Variants in PTPRT observed in about 807,000 individuals in gnomAD.
The protein encoded by PTPRT is receptor-type tyrosine-protein phosphatase T.
In PTPRT, 56 loss-of-function variants were observed where a neutral mutation model predicts 176.8. The observed-to-expected ratio is 0.32, with a 90% CI of 0.26 to 0.40. The LOEUF (loss-of-function observed/expected upper bound fraction) is 0.40. PTPRT is among the 10% of genes least tolerant of loss of function. The probability of loss-of-function intolerance (pLI) is 1.00; values close to 1 mark genes in which losing one functional copy is unlikely to be tolerated. For synonymous variants in PTPRT, 783 were observed against 739.0 expected (o/e 1.06, Z -0.96); for missense variants, 1,540 against 1,908.2 (o/e 0.81, Z 3.60).
At chr20:42,226,829 T>G (rs1410735651) in intron 15 of PTPRT, among the ~76,000 whole-genome samples, 1 of 151,940 alleles carries the variant, frequency 6.6e-6, no homozygotes, top group Non-Finnish European at 1.5e-5. Flanking sequence ...CATCTTCAGC[T>G]CCCCCAAGCA....
chr20:42,854,913 A>G (rs1310476038), intron 2 of PTPRT, among the ~76,000 whole-genome samples: 1 of 152,222 alleles, frequency 6.6e-6, no homozygotes, highest in Non-Finnish European at 1.5e-5. Flanking sequence ...CAAGGAAATC[A>G]TCTTCTAAAA....
intron 7 of PTPRT, among the ~76,000 whole-genome samples, chr20:42,650,387 C>CAT (rs944837478): frequency 1.3e-5 from 2 of 152,202 alleles, no homozygotes; most frequent in African/African-American, 4.8e-5. Context: ...CACACACATA[C>CAT]ATATGCCCTC....
intron 8 of PTPRT, among the ~76,000 whole-genome samples, chr20:42,468,302 C>G (rs979360008): frequency 3.4e-4 from 52 of 152,188 alleles, no homozygotes; most frequent in African/African-American, 1.2e-3. Context: ...TCTACTAGAG[C>G]CACGCTCTAG....
chr20:42,859,566 T>C (rs2145787497), intron 2 of PTPRT, among the ~76,000 whole-genome samples: 2 of 150,140 alleles, frequency 1.3e-5, no homozygotes, highest in South Asian at 4.2e-4. Context: ...CTGAGCTCAG[T>C]TTGTTTATTT....
chr20:42,555,399 T>G (rs1372519682), intron 7 of PTPRT, among the ~76,000 whole-genome samples: 1 of 152,090 alleles, frequency 6.6e-6, no homozygotes, highest in Non-Finnish European at 1.5e-5. Context: ...ATTTAAAAAC[T>G]AAATAAGTAA....
At chr20:42,366,468 T>A (rs1222255174) in intron 9 of PTPRT, among the ~76,000 whole-genome samples, 1 of 152,098 alleles carries the variant, frequency 6.6e-6, no homozygotes, top group Non-Finnish European at 1.5e-5. Context: ...GCCAGTAGGG[T>A]CCATTTCTGC....
At chr20:42,178,600 A>C (rs570622972) in intron 16 of PTPRT, among the ~76,000 whole-genome samples, 1 of 152,194 alleles carries the variant, frequency 6.6e-6, no homozygotes, top group Non-Finnish European at 1.5e-5. Context: ...AATAACAAAC[A>C]TATACGATCT....
intron 7 of PTPRT, among the ~76,000 whole-genome samples, chr20:42,638,503 G>A (rs954130919): frequency 1.3e-5 from 2 of 151,956 alleles, no homozygotes; most frequent in South Asian, 4.2e-4. Context: ...GTCTAAAGTT[G>A]GGCCCAACAA....
chr20:42,236,669 T>C (rs966248069), intron 14 of PTPRT, among the ~76,000 whole-genome samples: 3 of 151,156 alleles, frequency 2.0e-5, no homozygotes, highest in Non-Finnish European at 4.4e-5. Context: ...CTGGGACTAG[T>C]CTACCACTCT....
intron 18 of PTPRT, among the ~76,000 whole-genome samples, chr20:42,141,418 G>A (rs1387010311): frequency 6.6e-6 from 1 of 152,212 alleles, no homozygotes; most frequent in Non-Finnish European, 1.5e-5. Flanking sequence ...TCTTGGAGGA[G>A]CATCATTCTC....
intron 1 of PTPRT, among the ~76,000 whole-genome samples, chr20:43,008,208 G>T (rs756499628): frequency 6.6e-6 from 1 of 152,066 alleles, no homozygotes; most frequent in Non-Finnish European, 1.5e-5. Context: ...ATGAGATAAT[G>T]AAAGTGAAGT....
At chr20:42,684,949 T>A (rs2075666233) in intron 6 of PTPRT, among the ~76,000 whole-genome samples, 1 of 152,170 alleles carries the variant, frequency 6.6e-6, no homozygotes, top group Non-Finnish European at 1.5e-5. Flanking sequence ...CTGCCCTTAG[T>A]GTTCTACAGT....
chr20:42,213,368 C>T (rs2055692372), intron 15 of PTPRT, among the ~76,000 whole-genome samples: 1 of 133,568 alleles, frequency 7.5e-6, no homozygotes, highest in Non-Finnish European at 1.7e-5. Context: ...TTGCCGTGAA[C>T]ACTCCCTTTC....
At chr20:43,107,860 C>G (rs904486961) in intron 1 of PTPRT, among the ~76,000 whole-genome samples, 3 of 152,196 alleles carry the variant, frequency 2.0e-5, no homozygotes, top group African/African-American at 7.2e-5. Flanking sequence ...TTAATATTTG[C>G]TTAGGTAATA....
intron 1 of PTPRT, among the ~76,000 whole-genome samples, chr20:43,157,803 G>A (rs2146434225): frequency 6.6e-6 from 1 of 152,294 alleles, no homozygotes; most frequent in African/African-American, 2.4e-5. Flanking sequence ...AAGACTCCAA[G>A]GTGGGAGTGT....
intron 9 of PTPRT, among the ~76,000 whole-genome samples, chr20:42,377,483 A>G (rs1183235125): frequency 1.3e-5 from 2 of 152,232 alleles, no homozygotes; most frequent in East Asian, 3.8e-4. Flanking sequence ...ACTCTGATTC[A>G]GTAGATTGGG....
chr20:42,649,875 T>C (rs938013235), intron 7 of PTPRT, among the ~76,000 whole-genome samples: 1 of 152,180 alleles, frequency 6.6e-6, no homozygotes, highest in African/African-American at 2.4e-5. Context: ...AGCTCCTGGA[T>C]GCAGGCAAGG....
chr20:42,106,964 G>A, intron 23 of PTPRT, 43 bp from the exon 24 acceptor site: 1 of 1,600,806 alleles, frequency 6.2e-7, no homozygotes, highest in Middle Eastern at 1.7e-4. Flanking sequence ...TTCATGGGGG[G>A]AACCTGCCCT....
At chr20:43,013,222 A>G (rs564893482) in intron 1 of PTPRT, among the ~76,000 whole-genome samples, 17 of 152,164 alleles carry the variant, frequency 1.1e-4, no homozygotes, top group East Asian at 3.9e-4. Context: ...ATCTCCTCTG[A>G]ACATGCCTGG....
Sources: gnomAD v4.1 joint callset for allele counts (sites outside exome capture counted in the v4.1 genomes callset) on GRCh38, gnomAD v4.1.1 for gene constraint, MANE v1.5 for transcripts, NCBI Gene and HGNC (gene_info 2026-07-23, HGNC 2026-07-21) for gene names.